The following SGCZ variants were observed in gnomAD, a reference collection of about 807,000 sequenced individuals.
The protein encoded by SGCZ is sarcoglycan zeta.
A neutral mutation model predicts 41.3 loss-of-function variants in SGCZ; 40 were observed. The ratio of observed to expected loss-of-function variants is 0.97; its 90% CI spans 0.75 to 1.26. SGCZ has a LOEUF of 1.26. Among genes scored for constraint, SGCZ ranks in the 50% most tolerant of loss-of-function variants. The probability of loss-of-function intolerance (pLI) is 0.00; values close to 1 mark genes in which losing one functional copy is unlikely to be tolerated. For synonymous variants in SGCZ, 206 were observed against 137.5 expected, an observed-to-expected ratio of 1.50 and a Z score of -3.49; for missense variants, 552 against 369.8, an observed-to-expected ratio of 1.49 and a Z score of -4.04.
chr8:14,992,165 T>C (rs1585446153), intron 1 of SGCZ, among the ~76,000 whole-genome samples: 1 of 145,952 alleles, frequency 6.9e-6, no homozygotes, highest in Non-Finnish European at 1.5e-5. Context: ...ATCATCCTCA[T>C]CTAATCTACT....
intron 1 of SGCZ, among the ~76,000 whole-genome samples, chr8:14,911,843 G>A (rs1031487355): frequency 1.3e-5 from 2 of 151,498 alleles, no homozygotes; most frequent in African/African-American, 4.8e-5. Context: ...TCTCTACATG[G>A]AAATTCAAAT....
intron 3 of SGCZ, chr8:14,308,968 A>T (rs752333626): frequency 4.4e-6 from 3 of 674,666 alleles, no homozygotes; most frequent in Non-Finnish European, 5.1e-6. Flanking sequence ...TCAGAGTTTC[A>T]GTGTCTTGAG....
intron 4 of SGCZ, among the ~76,000 whole-genome samples, chr8:14,176,758 A>G (rs369622561): frequency 6.6e-5 from 10 of 152,184 alleles, no homozygotes; most frequent in East Asian, 3.9e-4. Context: ...GACCCCAAAC[A>G]TTATGGAGAG....
intron 5 of SGCZ, among the ~76,000 whole-genome samples, chr8:14,114,305 C>T (rs1452658711): frequency 2.0e-5 from 3 of 151,960 alleles, no homozygotes; most frequent in Non-Finnish European, 4.4e-5. Context: ...TTGTTTAACA[C>T]TTTAACACAA....
intron 1 of SGCZ, among the ~76,000 whole-genome samples, chr8:14,952,470 T>C (rs1407806046): frequency 6.6e-6 from 1 of 152,184 alleles, no homozygotes; most frequent in African/African-American, 2.4e-5. Context: ...CATTAAAGTT[T>C]AGCTCTAGGT....
rs373934809 is a variant in SGCZ, at chr8:15,012,375, A to C, written c.39+225210T>G. Among the ~76,000 whole-genome samples the C allele has an allele frequency of 5.3e-5, 8 of 150,974 alleles. No individual in the cohort carries two copies. The East Asian group carries it at 1.6e-3, about 29-fold the overall frequency. ...TTATTTGGGAGGCTGAAGTGAGAGG[A>C]TCACTTGACCCCAGGAGGTTCATGC... On this transcript the variant is annotated intron_variant, in intron 1 of 7. Coordinates refer to ENST00000382080, the MANE Select transcript of SGCZ (RefSeq NM_139167.4).
At chr8:14,712,950 C>A (rs1185979367) in intron 1 of SGCZ, among the ~76,000 whole-genome samples, 1 of 151,964 alleles carries the variant, frequency 6.6e-6, no homozygotes, top group Admixed American at 6.6e-5. Context: ...AGGGCCAAGA[C>A]ACAAAACATG....
intron 2 of SGCZ, among the ~76,000 whole-genome samples, chr8:14,514,672 A>AAT (rs958404832): frequency 4.4e-4 from 65 of 147,836 alleles, no homozygotes; most frequent in Non-Finnish European, 5.5e-4. Context: ...TATATATGTA[A>AAT]ATATATATAC....
chr8:15,234,312 T>C (rs181867904), intron 1 of SGCZ, among the ~76,000 whole-genome samples: 51 of 152,342 alleles, frequency 3.3e-4, no homozygotes, highest in African/African-American at 9.6e-4. Flanking sequence ...CTAATATCAA[T>C]ATTCATTAAC....
At chr8:14,796,710 C>T (rs1801142806) in intron 1 of SGCZ, among the ~76,000 whole-genome samples, 1 of 152,126 alleles carries the variant, frequency 6.6e-6, no homozygotes, top group African/African-American at 2.4e-5. Flanking sequence ...TAACAGATGT[C>T]AAAACTGTAT....
rs142210206 is a variant in SGCZ at position 14,119,633 on chromosome 8, T to C, written c.548-11398A>G. Among the ~76,000 whole-genome samples, 284 of 152,340 alleles carry C rather than the reference T, an allele frequency of 1.9e-3. 1 individual carries two copies. The highest frequency in any genetic ancestry group is 6.7e-3 in the African/African-American group (278 of 41,566). ...GGTGAGAGAGGTTAACTTTGTCTTA[T>C]GCCAGTTTTTGAAGGGAATGCTGCT... On this transcript the variant is annotated intron_variant, in intron 5 of 7. Transcript: ENST00000382080.
chr8:14,244,245 T>A (rs1399313372), intron 3 of SGCZ, among the ~76,000 whole-genome samples: 3 of 151,892 alleles, frequency 2.0e-5, no homozygotes, highest in African/African-American at 7.3e-5. Flanking sequence ...TCCTTCTTCC[T>A]CCTCCTTCTC....
chr8:14,232,181 G>A (rs138920956), intron 4 of SGCZ, among the ~76,000 whole-genome samples: 1 of 151,338 alleles, frequency 6.6e-6, no homozygotes, highest in Non-Finnish European at 1.5e-5. Flanking sequence ...TAAGTGTGTA[G>A]CTGATTGACA....
intron 3 of SGCZ, among the ~76,000 whole-genome samples, chr8:14,290,279 C>T (rs1051185826): frequency 2.6e-5 from 4 of 151,724 alleles, no homozygotes; most frequent in Admixed American, 2.0e-4. Context: ...TTGGTCTAGG[C>T]AAGGATCTTT....
intron 1 of SGCZ, among the ~76,000 whole-genome samples, chr8:14,634,176 C>T (rs1806751397): frequency 6.6e-6 from 1 of 151,728 alleles, no homozygotes; most frequent in Admixed American, 6.6e-5. Context: ...TTTTATTCTC[C>T]ACTTCCAATT....
chr8:14,350,221 T>A (rs941290995), intron 2 of SGCZ, among the ~76,000 whole-genome samples: 1 of 151,578 alleles, frequency 6.6e-6, no homozygotes, highest in African/African-American at 2.4e-5. Context: ...ACAGTTTATA[T>A]TCAATAATCT....
At chr8:15,006,946 C>T (rs1802625987) in intron 1 of SGCZ, among the ~76,000 whole-genome samples, 1 of 152,076 alleles carries the variant, frequency 6.6e-6, no homozygotes, top group Admixed American at 6.6e-5. Context: ...AGTGCTGTGC[C>T]ATGCATTTGA....
At chr8:14,723,298 C>T (rs937603205) in intron 1 of SGCZ, among the ~76,000 whole-genome samples, 3 of 152,154 alleles carry the variant, frequency 2.0e-5, no homozygotes, top group Non-Finnish European at 4.4e-5. Flanking sequence ...GTGTAGGATG[C>T]CTGAACACCA....
At chr8:14,673,270 T>C (rs367932551) in intron 1 of SGCZ, among the ~76,000 whole-genome samples, 19 of 152,330 alleles carry the variant, frequency 1.2e-4, no homozygotes, top group African/African-American at 4.6e-4. Context: ...TCTCAAACTG[T>C]AATTCCCACA....
Sources: allele counts gnomAD v4.1 joint callset (sites outside exome capture counted in the v4.1 genomes callset), GRCh38; gene constraint gnomAD v4.1.1; transcripts MANE v1.5; gene names NCBI Gene and HGNC (gene_info 2026-07-23, HGNC 2026-07-21).